POLR3A: variants seen among roughly 807,000 people sequenced by gnomAD.
POLR3A encodes the protein RNA polymerase III subunit A.
In POLR3A, 112 loss-of-function variants were observed where a neutral mutation model predicts 152.8. The ratio of observed to expected loss-of-function variants is 0.73; its 90% CI spans 0.63 to 0.86. The LOEUF (loss-of-function observed/expected upper bound fraction) is 0.86, where lower values mean the gene tolerates loss of function less well. Ranked by LOEUF, POLR3A falls within the 40% of genes least tolerant of loss-of-function variation. The pLI, the probability that POLR3A is intolerant of heterozygous loss-of-function variation, is 0.00. For missense variants in POLR3A, 1,385 were observed against 1,743.1 expected, an observed-to-expected ratio of 0.79 and a Z score of 3.66; for synonymous variants, 615 against 652.1, an observed-to-expected ratio of 0.94 and a Z score of 0.87.
At chr10:78,005,526 A>T (rs1847402657) in intron 15 of POLR3A, among the ~76,000 whole-genome samples, 1 of 152,250 alleles carries the variant, frequency 6.6e-6, no homozygotes, top group Non-Finnish European at 1.5e-5. Context: ...CTGTATGTAG[A>T]AATAAAGAGA....
chr10:78,006,333 GTTGCAGCGAGCTGAGA>G (rs1203165219), intron 15 of POLR3A, among the ~76,000 whole-genome samples: 2 of 144,026 alleles, frequency 1.4e-5, no homozygotes, highest in African/African-American at 5.3e-5. Flanking sequence ...GGAGGCGGAG[GTTGCAGCGAGCTGAGA>G]TTGCATCACT....
intron 10 of POLR3A, among the ~76,000 whole-genome samples, chr10:78,015,682 C>T (rs540649967): frequency 1.0e-4 from 15 of 148,608 alleles, no homozygotes; most frequent in African/African-American, 3.2e-4. Flanking sequence ...GGTCTCATTA[C>T]GTTGTCTAGG....
At chr10:78,029,005 C>T (rs1183095525) in intron 1 of POLR3A, among the ~76,000 whole-genome samples, 2 of 152,144 alleles carry the variant, frequency 1.3e-5, no homozygotes, top group African/African-American at 4.8e-5. Flanking sequence ...GAATTAGAGA[C>T]AGTCCCCGCC....
chr10:77,997,885 G>A (rs1246924530), intron 19 of POLR3A, among the ~76,000 whole-genome samples: 1 of 146,846 alleles, frequency 6.8e-6, no homozygotes, highest in African/African-American at 2.7e-5. Context: ...GAGGCATCAC[G>A]CTACCTGACT....
At chr10:78,009,225 G>A (rs189828470) in intron 14 of POLR3A, among the ~76,000 whole-genome samples, 4 of 141,868 alleles carry the variant, frequency 2.8e-5, no homozygotes, top group Non-Finnish European at 4.6e-5. Context: ...CCCCCCCGCC[G>A]CCAAAAAGAT....
rs1344398025 is a variant in POLR3A at position 78,022,177 on chromosome 10, CT to C, written c.852del (p.Glu285LysfsTer5). The C allele has an allele frequency of 1.2e-6, 2 of 1,614,152 alleles. No individual in the cohort carries two copies. Among genetic ancestry groups the C allele is most frequent in the South Asian group, 2.2e-5 (2 of 91,080 alleles). The stretch of plus-strand genomic sequence containing the variant: ...ATAACATCGTTTAGGAAAATGATTT[CT>C]GTCAGTTTCATTGTCAGATCATCTT... ...TNEDDLTMKL[T>X]EIIFLNDVIK... On this transcript the variant is annotated frameshift_variant, in exon 6 of 31. Transcript: ENST00000372371. LOFTEE classifies it high-confidence loss of function.
rs942578914 is a variant in POLR3A, at chr10:77,977,037, C to G, written c.*441G>C. 5.7e-6 allele frequency: 1 copy of G among 175,040 alleles called. No homozygotes were observed. Among genetic ancestry groups the G allele is most frequent in the African/African-American group, 2.4e-5 (1 of 42,148 alleles). The allele number at this position is 175,040 out of a possible 1,614,324, so 10.8% of individuals were successfully genotyped here. A position where few individuals can be genotyped will look rare whatever the true frequency, so the allele number is the denominator to read the frequency against. ...AGTATGTCACATTGAGAGATTCCAG[C>G]ATGACCAAGGAATGGAAAATCCAAG... On this transcript the variant is annotated 3_prime_UTR_variant, in exon 31 of 31. Coordinates refer to ENST00000372371, the MANE Select transcript of POLR3A (RefSeq NM_007055.4).
chr10:77,992,837 G>A (rs1020440560), intron 20 of POLR3A, among the ~76,000 whole-genome samples: 1 of 151,280 alleles, frequency 6.6e-6, no homozygotes, highest in African/African-American at 2.4e-5. Context: ...ACTGCACTTG[G>A]CCTTTTTCCT....
Position 77,977,155 on chromosome 10 carries a change from A to C in POLR3A, c.*323T>G. 2.6e-6 allele frequency: 1 copy of C among 380,320 alleles called. No individual in the cohort carries two copies. Among genetic ancestry groups the C allele is most frequent in the Non-Finnish European group, 5.0e-6 (1 of 199,298 alleles). The allele number at this position is 380,320 out of a possible 1,614,324, so 23.6% of individuals were successfully genotyped here. On this transcript the variant is annotated 3_prime_UTR_variant, in exon 31 of 31. Transcript: ENST00000372371. Reference sequence around the variant, plus strand: ...CGATGGATGTATGCAGTGAGCTGGGATGGACCATGACACCTGGCTGGGCTT... The same window carrying C: ...CGATGGATGTATGCAGTGAGCTGGGCTGGACCATGACACCTGGCTGGGCTT...
At chr10:78,025,169 A>G in intron 3 of POLR3A, 27 bp from the exon 4 acceptor site, 1 of 1,612,634 alleles carries the variant, frequency 6.2e-7, no homozygotes, top group Non-Finnish European at 8.5e-7. Context: ...AAGACAGATA[A>G]AAGCATAAGT....
At position 78,029,063 on chromosome 10, in the gene POLR3A, G is replaced by C. The variant is rs112170915; in HGVS notation, c.44+301C>G. 2.0e-3 allele frequency among the ~76,000 whole-genome samples: 297 copies of C among 152,268 alleles called. 1 individual carries two copies. The highest frequency in any genetic ancestry group is 6.2e-3 in the African/African-American group (257 of 41,562). ...GCAGGGGATAGTTCGCTGAAGAACA[G>C]GGATCATTGTATGACTTCAGGAGAA... On this transcript the variant is annotated intron_variant, in intron 1 of 30. Coordinates refer to ENST00000372371, the MANE Select transcript of POLR3A (RefSeq NM_007055.4).
chr10:77,990,915 A>G (rs1847241458), intron 21 of POLR3A, 139 bp downstream of exon 21: 1 of 668,732 alleles, frequency 1.5e-6, no homozygotes, highest in South Asian at 1.6e-5. Flanking sequence ...TGCCTGGCCC[A>G]TTCTTGAACT....
At chr10:77,993,098 A>C in intron 20 of POLR3A, 99 bp downstream of exon 20, 2 of 877,836 alleles carry the variant, frequency 2.3e-6, no homozygotes, top group Non-Finnish European at 2.0e-6. Flanking sequence ...ATAAATACTG[A>C]AGTATTTATT....
intron 3 of POLR3A, among the ~76,000 whole-genome samples, 194 bp from the exon 4 acceptor site, chr10:78,025,336 C>G (rs1564624006): frequency 6.6e-6 from 1 of 152,178 alleles, no homozygotes; most frequent in Admixed American, 6.5e-5. Context: ...AGCCAGTAGG[C>G]AGACTTTGTT....
rs1404739981 is a variant in POLR3A at position 77,982,716 on chromosome 10, G to T, written c.3531C>A (p.Pro1177=). ...VHGEAVVCVT[P]RENSKSSMYY... ...ACATGGAGCTCTTGCTGTTCTCTCTGGGGGTGACACACACCACAGCCTCAC... is the reference window on the plus strand; with the variant it reads ...ACATGGAGCTCTTGCTGTTCTCTCTTGGGGTGACACACACCACAGCCTCAC... Residue 1177 remains proline, a synonymous_variant, in exon 27 of 31, where the codon CCC becomes CCA. Coordinates refer to ENST00000372371, the MANE Select transcript of POLR3A (RefSeq NM_007055.4). 6.2e-6 allele frequency: 10 copies of T among 1,613,692 alleles called. No homozygotes were observed. Among genetic ancestry groups the T allele is most frequent in the Non-Finnish European group, 8.5e-6 (10 of 1,179,760 alleles).
intron 21 of POLR3A, 99 bp from the exon 22 acceptor site, chr10:77,986,258 T>C: frequency 1.3e-6 from 1 of 781,382 alleles, no homozygotes; most frequent in Non-Finnish European, 2.3e-6. Flanking sequence ...AAGTCCATCA[T>C]ATTTTAGTGT....
chr10:77,998,191 A>G (rs1177301858), intron 19 of POLR3A, among the ~76,000 whole-genome samples: 2 of 152,250 alleles, frequency 1.3e-5, no homozygotes, highest in Non-Finnish European at 2.9e-5. Context: ...ACCTAAAACC[A>G]TAAAAACCAT....
At chr10:78,020,117 T>C (rs1307475919) in intron 8 of POLR3A, 1 of 142,192 alleles carries the variant, frequency 7.0e-6, no homozygotes, top group African/African-American at 2.7e-5. Flanking sequence ...GAGGTTGCAG[T>C]GAGCTGAGAT....
chr10:77,984,046 C>A (rs752196385), intron 25 of POLR3A, 34 bp from the exon 26 acceptor site: 25 of 1,478,268 alleles, frequency 1.7e-5, no homozygotes, highest in Admixed American at 8.5e-5. Flanking sequence ...GTTAATCAGC[C>A]GCTTTCCCCT....
Sources: allele counts gnomAD v4.1 joint callset (sites outside exome capture counted in the v4.1 genomes callset), GRCh38; gene constraint gnomAD v4.1.1; transcripts MANE v1.5; gene names NCBI Gene and HGNC (gene_info 2026-07-23, HGNC 2026-07-21).